BANF2: variants seen among roughly 807,000 people sequenced by gnomAD.
BANF2 encodes BANF family member 2, also known as barrier-to-autointegration factor-like protein.
A neutral mutation model predicts 8.0 loss-of-function variants in BANF2; 4 were observed. The observed-to-expected ratio is 0.50, with a 90% CI of 0.25 to 1.14. The LOEUF (loss-of-function observed/expected upper bound fraction) is 1.14, where lower values mean the gene tolerates loss of function less well. Among genes scored for constraint, BANF2 ranks in the 50% most tolerant of loss-of-function variants. BANF2 has a pLI of 0.16. For missense variants in BANF2, 96 were observed against 107.5 expected (o/e 0.89, Z 0.47); for synonymous variants, 50 against 40.6 (o/e 1.23, Z -0.88).
intron 1 of BANF2, among the ~76,000 whole-genome samples, chr20:17,702,457 A>C (rs1359504409): frequency 6.6e-6 from 1 of 152,234 alleles, no homozygotes; most frequent in African/African-American, 2.4e-5. Flanking sequence ...TGGTGCCCTG[A>C]AATAGTAGCC....
intron 1 of BANF2, among the ~76,000 whole-genome samples, chr20:17,706,094 C>T (rs182649065): frequency 1.8e-4 from 28 of 152,288 alleles, no homozygotes; most frequent in Admixed American, 1.2e-3. Flanking sequence ...GGCAAGGTGA[C>T]GGCATAGATG....
intron 3 of BANF2, among the ~76,000 whole-genome samples, chr20:17,734,767 C>G (rs2037951826): frequency 6.6e-6 from 1 of 152,170 alleles, no homozygotes; most frequent in Non-Finnish European, 1.5e-5. Context: ...CAAGCATTGT[C>G]CAAAATATCA....
chr20:17,725,227 T>C, intron 3 of BANF2, 76 bp downstream of exon 3: 1 of 1,507,052 alleles, frequency 6.6e-7, no homozygotes. Context: ...TGGCAGTTCC[T>C]GCCACGTGTC....
chr20:17,728,502 C>G (rs2122643865), intron 3 of BANF2, among the ~76,000 whole-genome samples: 1 of 152,318 alleles, frequency 6.6e-6, no homozygotes, highest in East Asian at 1.9e-4. Flanking sequence ...TTACCAGCCC[C>G]TACATTGAGT....
intron 1 of BANF2, among the ~76,000 whole-genome samples, chr20:17,721,739 C>T (rs377399002): frequency 1.3e-5 from 2 of 152,164 alleles, no homozygotes. Flanking sequence ...AATTCTGGAC[C>T]GCTGTTCACA....
intron 2 of BANF2, 47 bp downstream of exon 2, chr20:17,722,925 G>A: frequency 2.1e-6 from 2 of 948,012 alleles, no homozygotes; most frequent in Non-Finnish European, 2.5e-6. Flanking sequence ...CTGTGAAAGG[G>A]AGGCGTTGGA....
Position 17,724,440 on chromosome 20 carries a change from G to A in BANF2, c.-3-583G>A, listed in dbSNP as rs576465256. Among the ~76,000 whole-genome samples the A allele has an allele frequency of 7.9e-5, 12 of 152,300 alleles. No individual in the cohort carries two copies. The South Asian group carries it at 1.7e-3, about 21-fold the overall frequency. On this transcript the variant is annotated intron_variant, in intron 2 of 3. Transcript: ENST00000246090. Reference sequence around the variant, plus strand: ...TGGAGCAGCCCTTTCACCACCATGAGGGGAGCCAAGCAAGAATAAAGCCAA... The same window carrying A: ...TGGAGCAGCCCTTTCACCACCATGAAGGGAGCCAAGCAAGAATAAAGCCAA...
upstream of BANF2, among the ~76,000 whole-genome samples, chr20:17,695,445 C>CAAAAAAAA (rs71192401): frequency 9.7e-5 from 5 of 51,368 alleles, no homozygotes; most frequent in East Asian, 6.2e-4. Flanking sequence ...GACCTTGTCT[C>CAAAAAAAA]AAAAAAAAAA....
intron 3 of BANF2, among the ~76,000 whole-genome samples, chr20:17,728,887 AG>A (rs2037852068): frequency 6.6e-6 from 1 of 152,222 alleles, no homozygotes; most frequent in Non-Finnish European, 1.5e-5. Context: ...CACACCCTGC[AG>A]TGTTAAAGAC....
At chr20:17,718,514 A>G (rs1457875228) in intron 1 of BANF2, among the ~76,000 whole-genome samples, 1 of 152,212 alleles carries the variant, frequency 6.6e-6, no homozygotes, top group South Asian at 2.1e-4. Context: ...GTTCACTTCC[A>G]GCCAATGGTG....
At chr20:17,706,676 G>T (rs1448918961) in intron 1 of BANF2, among the ~76,000 whole-genome samples, 1 of 152,198 alleles carries the variant, frequency 6.6e-6, no homozygotes, top group African/African-American at 2.4e-5. Flanking sequence ...CAAGTAAAGG[G>T]TAAAGCCAAG....
intron 3 of BANF2, among the ~76,000 whole-genome samples, chr20:17,729,185 C>T (rs2037857753): frequency 6.6e-6 from 1 of 152,186 alleles, no homozygotes; most frequent in Non-Finnish European, 1.5e-5. Flanking sequence ...ATGAGGCTCG[C>T]TGTGCCTGGC....
chr20:17,707,866 C>T (rs2037506617), intron 1 of BANF2, among the ~76,000 whole-genome samples: 1 of 151,896 alleles, frequency 6.6e-6, no homozygotes, highest in Non-Finnish European at 1.5e-5. Context: ...AGGCGTGTGC[C>T]ACTGCACCCA....
chr20:17,707,370 GAGA>G (rs201498143), intron 1 of BANF2, among the ~76,000 whole-genome samples: 2,128 of 108,104 alleles, frequency 0.02, 57 homozygotes, highest in African/African-American at 0.079. Context: ...GGGACAGAGC[GAGA>G]CTCTGTGTCA....
upstream of BANF2, among the ~76,000 whole-genome samples, chr20:17,699,069 G>A (rs976301492): frequency 1.3e-5 from 2 of 152,214 alleles, no homozygotes; most frequent in Non-Finnish European, 2.9e-5. Flanking sequence ...AACTTTGAGA[G>A]TGGGGCCCAG....
upstream of BANF2, among the ~76,000 whole-genome samples, chr20:17,699,406 G>A (rs1435390040): frequency 2.6e-5 from 4 of 152,226 alleles, no homozygotes; most frequent in East Asian, 5.8e-4. Flanking sequence ...AAAGACACCT[G>A]TGTTGAATTT....
At chr20:17,699,600 C>T (rs1306554940), upstream of BANF2, among the ~76,000 whole-genome samples, 1 of 152,172 alleles carries the variant, frequency 6.6e-6, no homozygotes, top group African/African-American at 2.4e-5. Flanking sequence ...GCTGGGGGTA[C>T]CCACGGAAGT....
chr20:17,712,942 A>C (rs1047388134), intron 1 of BANF2, among the ~76,000 whole-genome samples: 1 of 152,140 alleles, frequency 6.6e-6, no homozygotes, highest in African/African-American at 2.4e-5. Context: ...AATGTTGTTT[A>C]GTCTTAGAAA....
At chr20:17,732,512 A>G (rs962045917) in intron 3 of BANF2, among the ~76,000 whole-genome samples, 18 of 152,166 alleles carry the variant, frequency 1.2e-4, no homozygotes, top group African/African-American at 4.1e-4. Context: ...GGCTGCCACC[A>G]TACCAGGCTA....
Sources: allele counts gnomAD v4.1 joint callset (sites outside exome capture counted in the v4.1 genomes callset), GRCh38; gene constraint gnomAD v4.1.1; transcripts MANE v1.5; gene names NCBI Gene and HGNC (gene_info 2026-07-23, HGNC 2026-07-21).